Variants in MMRN1 observed in about 807,000 individuals in gnomAD.
MMRN1 encodes the protein multimerin 1, also known as multimerin-1.
MMRN1 carries 94 observed loss-of-function variants against 100.7 expected under a neutral mutation model. The observed-to-expected ratio is 0.93, with a 90% confidence interval of 0.79 to 1.11. The LOEUF is 1.11. Among genes scored for constraint, MMRN1 ranks in the 50% least tolerant of loss-of-function variants. The pLI, the probability that MMRN1 is intolerant of heterozygous loss-of-function variation, is 0.00. For missense variants in MMRN1, 1,606 were observed against 1,439.1 expected, an observed-to-expected ratio of 1.12 and a Z score of -1.88; for synonymous variants, 575 against 505.0, an observed-to-expected ratio of 1.14 and a Z score of -1.86.
At chr4:89,951,146 G>A (rs979530453) in intron 6 of MMRN1, among the ~76,000 whole-genome samples, 6 of 151,706 alleles carry the variant, frequency 4.0e-5, no homozygotes, top group African/African-American at 1.5e-4. Context: ...TTGTTGTAAT[G>A]CAATCATATT....
At position 89,953,392 on chromosome 4, in the gene MMRN1, A is replaced by G. The variant is rs1487010334; in HGVS notation, c.3661A>G (p.Ser1221Gly). The change falls in exon 8 of 8, where the codon AGT becomes GGT. Residue 1221 changes from serine (S) to glycine (G), a missense_variant. Coordinates refer to ENST00000264790, the MANE Select transcript of MMRN1 (RefSeq NM_007351.3). ...PAKFPPVTTF[S>G]GYLLYRT ...CAAGTTTCCCCCTGTTACTACATTT[A>G]GTGGCTATTTATTATATCGTACATA... The G allele has an allele frequency of 6.2e-7, 1 of 1,609,622 alleles. No individual in the cohort carries two copies. The highest frequency in any genetic ancestry group is 8.5e-7 in the Non-Finnish European group (1 of 1,178,268).
Position 89,946,654 on chromosome 4 carries a change from T to C in MMRN1, c.3119-4951T>C, listed in dbSNP as rs140892851. 7.5e-4 allele frequency among the ~76,000 whole-genome samples: 114 copies of C among 152,100 alleles called. 1 individual carries two copies. The highest frequency in any genetic ancestry group is 2.5e-3 in the African/African-American group (105 of 41,502). On this transcript the variant is annotated intron_variant, in intron 6 of 7. Transcript: ENST00000264790. ...TGAAGTTCATACATTAATCGAGTAA[T>C]TATAATAAAAAATGACAAATATTAG... is the stretch of plus-strand genomic sequence containing the variant.
chr4:89,926,456 G>T (rs567542662), intron 4 of MMRN1, among the ~76,000 whole-genome samples: 1 of 152,070 alleles, frequency 6.6e-6, no homozygotes, highest in Non-Finnish European at 1.5e-5. Context: ...CAAATCTTTT[G>T]CCCTGTTTTG....
At chr4:89,890,690 C>T (rs1194623829), upstream of MMRN1, among the ~76,000 whole-genome samples, 5 of 151,900 alleles carry the variant, frequency 3.3e-5, no homozygotes, top group East Asian at 1.9e-4. Context: ...AAAAGAAATG[C>T]GTTTTGAACT....
rs1326178859 is a variant in MMRN1, at chr4:89,954,523, GA to G, written c.*1107del. ...TTTATTATTACAATATTACTGTGGT[GA>G]ACATGCTTAAAAATACATTCCTTGG... On this transcript the variant is annotated 3_prime_UTR_variant, in exon 8 of 8. Transcript: ENST00000264790. 1 of 152,032 alleles carries G rather than the reference GA, an allele frequency of 6.6e-6. No individual in the cohort carries two copies. Among genetic ancestry groups the G allele is most frequent in the African/African-American group, 2.4e-5 (1 of 41,386 alleles). The allele number at this position is 152,032 out of a possible 1,614,324, so 9.4% of individuals were successfully genotyped here.
intron 3 of MMRN1, among the ~76,000 whole-genome samples, chr4:89,912,885 A>T (rs544959076): frequency 6.3e-4 from 96 of 151,376 alleles, no homozygotes; most frequent in Admixed American, 6.3e-3. Context: ...GATATTATTT[A>T]TGGTTTTACT....
intron 5 of MMRN1, among the ~76,000 whole-genome samples, chr4:89,930,769 C>A (rs146772094): frequency 6.6e-6 from 1 of 151,784 alleles, no homozygotes; most frequent in Admixed American, 6.6e-5. Flanking sequence ...GACCAGAAAT[C>A]GAATTTTCTA....
intron 1 of MMRN1, among the ~76,000 whole-genome samples, chr4:89,908,536 T>G (rs2110594372): frequency 6.6e-6 from 1 of 151,644 alleles, no homozygotes; most frequent in South Asian, 2.1e-4. Context: ...TCTTTAAAAC[T>G]TTTCAATAAA....
At chr4:89,902,952 A>T (rs968957369) in intron 1 of MMRN1, among the ~76,000 whole-genome samples, 2 of 152,144 alleles carry the variant, frequency 1.3e-5, no homozygotes, top group African/African-American at 4.8e-5. Flanking sequence ...TAAAAGAACC[A>T]CAAACATAAA....
chr4:89,880,127 T>C (rs1306519351), intron 1 of MMRN1, among the ~76,000 whole-genome samples: 1 of 152,196 alleles, frequency 6.6e-6, no homozygotes, highest in East Asian at 1.9e-4. Flanking sequence ...GTAGCAGAAA[T>C]TGACTTCTTT....
rs1324821028 is a variant in MMRN1 at position 89,936,726 on chromosome 4, A to C, written c.3046A>C (p.Lys1016Gln). 3 of 1,613,220 alleles carry C rather than the reference A, an allele frequency of 1.9e-6. No homozygotes were observed. The highest frequency in any genetic ancestry group is 2.5e-6 in the Non-Finnish European group (3 of 1,179,584). ...SLPKKINALK[K>Q]PTVNLTTVLI... is the part of the protein sequence containing the mutation. ...GCCAAAGAAAATTAACGCACTTAAG[A>C]AACCAACGGTAAATCTTACCACAGT... Residue 1016 changes from lysine (K) to glutamine (Q), a missense_variant, in exon 6 of 8, where the codon AAA becomes CAA. By Grantham distance (53) the Lys-to-Gln change is moderately conservative. Coordinates refer to ENST00000264790, the MANE Select transcript of MMRN1 (RefSeq NM_007351.3).
At chr4:89,931,712 T>A (rs1056939403) in intron 5 of MMRN1, among the ~76,000 whole-genome samples, 1 of 152,280 alleles carries the variant, frequency 6.6e-6, no homozygotes, top group African/African-American at 2.4e-5. Context: ...GGAACTGCCC[T>A]TTATAAAACC....
At chr4:89,883,928 G>T (rs1222077363) in intron 1 of MMRN1, among the ~76,000 whole-genome samples, 1 of 151,964 alleles carries the variant, frequency 6.6e-6, no homozygotes, top group African/African-American at 2.4e-5. Context: ...TTTGGAGTGG[G>T]TTCAAGGTAA....
At chr4:89,900,714 T>A (rs907042329) in intron 1 of MMRN1, among the ~76,000 whole-genome samples, 1 of 152,008 alleles carries the variant, frequency 6.6e-6, no homozygotes, top group African/African-American at 2.4e-5. Flanking sequence ...AATCATGGAT[T>A]ATTAGATGGG....
At chr4:89,885,774 G>T (rs373639839) in intron 1 of MMRN1, among the ~76,000 whole-genome samples, 2 of 151,736 alleles carry the variant, frequency 1.3e-5, no homozygotes, top group South Asian at 2.1e-4. Context: ...ATCTCTTCTC[G>T]CTTGTTTTTC....
intron 6 of MMRN1, among the ~76,000 whole-genome samples, chr4:89,950,671 T>C (rs985952199): frequency 6.6e-6 from 1 of 151,974 alleles, no homozygotes; most frequent in African/African-American, 2.4e-5. Flanking sequence ...CTCCGTTTTT[T>C]AACTTATTTT....
In MMRN1 at chr4:89,909,359, G is replaced by A. The variant is rs113104638; in HGVS notation, c.707G>A (p.Gly236Glu). The change falls in exon 2 of 8, where the codon GGA becomes GAA. Residue 236 changes from glycine to glutamate, a missense_variant. Physicochemically the swap from Gly to Glu is moderately conservative, Grantham distance 98. Transcript: ENST00000264790. ...GTCACTTATGTCCCAGGTGGGAAAG[G>A]ACCTTGTGGCTGGACCGGTGGATCC... Reference protein sequence around the residue: ...NQVTYVPGGKGPCGWTGGSCP... With the variant: ...NQVTYVPGGKEPCGWTGGSCP... 6.2e-7 allele frequency: 1 copy of A among 1,610,078 alleles called. No individual in the cohort carries two copies. The highest frequency in any genetic ancestry group is 1.3e-5 in the African/African-American group (1 of 74,642).
chr4:89,931,495 G>T (rs1346255010), intron 5 of MMRN1, among the ~76,000 whole-genome samples: 1 of 150,448 alleles, frequency 6.6e-6, no homozygotes, highest in Non-Finnish European at 1.5e-5. Context: ...TGTATTGTGT[G>T]TATTTTACAT....
At position 89,936,084 on chromosome 4, in the gene MMRN1, G is replaced by A. The variant is rs937528767; in HGVS notation, c.2404G>A (p.Val802Ile). 1 of 1,611,866 alleles carries A rather than the reference G, an allele frequency of 6.2e-7. No individual in the cohort carries two copies. The highest frequency in any genetic ancestry group is 8.5e-7 in the Non-Finnish European group (1 of 1,179,314). The stretch of plus-strand genomic sequence containing the variant: ...TCAGAGATATAACTTTGTTTTGCAA[G>A]TCGCCAAGACCCTTGCAGGTATTCC... ...DNQRYNFVLQ[V>I]AKTLAGIPRD... is the part of the protein sequence containing the mutation. The change falls in exon 6 of 8, where the codon GTC (valine) becomes ATC (isoleucine). Residue 802 changes from valine to isoleucine, a missense_variant. Transcript: ENST00000264790.
Sources: allele counts gnomAD v4.1 joint callset (sites outside exome capture counted in the v4.1 genomes callset), GRCh38; gene constraint gnomAD v4.1.1; transcripts MANE v1.5; gene names NCBI Gene and HGNC (gene_info 2026-07-23, HGNC 2026-07-21).